ANKRD26: variants seen among roughly 807,000 people sequenced by gnomAD.
ANKRD26 encodes ankyrin repeat domain 26, also known as ankyrin repeat domain-containing protein 26.
Under a neutral mutation model 208.7 loss-of-function variants are expected in ANKRD26, and 141 were observed. The observed-to-expected ratio is 0.68, with a 90% confidence interval of 0.59 to 0.78. The LOEUF (loss-of-function observed/expected upper bound fraction) is 0.78. Ranked by LOEUF, ANKRD26 falls within the 30% of genes least tolerant of loss-of-function variation. The pLI, the probability that ANKRD26 is intolerant of heterozygous loss-of-function variation, is 0.00. For missense variants in ANKRD26, 1,889 were observed against 1,938.7 expected, an observed-to-expected ratio of 0.97 and a Z score of 0.48; for synonymous variants, 636 against 660.4, an observed-to-expected ratio of 0.96 and a Z score of 0.57.
chr10:27,033,202 G>C, intron 25 of ANKRD26, 23 bp downstream of exon 25: 1 of 1,583,496 alleles, frequency 6.3e-7, no homozygotes, highest in Non-Finnish European at 8.6e-7. Flanking sequence ...TTAACTGTTT[G>C]ACATGTTAAA....
intron 3 of ANKRD26, among the ~76,000 whole-genome samples, chr10:26,984,864 T>C (rs895520744): frequency 4.6e-5 from 7 of 152,268 alleles, no homozygotes; most frequent in Middle Eastern, 3.4e-3. Context: ...AATTATACCA[T>C]TGGTCCTTTC....
chr10:27,046,333 A>G lies in ANKRD26; in HGVS notation c.1985+20T>C. 6.2e-7 allele frequency: 1 copy of G among 1,612,562 alleles called. No homozygotes were observed. Among genetic ancestry groups the G allele is most frequent in the Non-Finnish European group, 8.5e-7 (1 of 1,179,122 alleles). ...TACTAACCTTCCTCCATAGAAAAAT[A>G]AAGAAATCATAGATTTTACCTTCCT... On this transcript the variant is annotated intron_variant, in intron 18 of 33. Coordinates refer to ENST00000376087, the MANE Select transcript of ANKRD26 (RefSeq NM_014915.3).
At chr10:27,009,879 A>C (rs573869112) in intron 32 of ANKRD26, among the ~76,000 whole-genome samples, 4 of 152,324 alleles carry the variant, frequency 2.6e-5, no homozygotes, top group African/African-American at 9.6e-5. Context: ...CTTCATGTAT[A>C]CTTTTTCATT....
Position 27,073,051 on chromosome 10 carries a change from G to A in ANKRD26, c.1077+4287C>T, listed in dbSNP as rs192182557. 2.8e-3 allele frequency among the ~76,000 whole-genome samples: 421 copies of A among 152,292 alleles called. 2 individuals are homozygous for A. Among genetic ancestry groups the A allele is most frequent in the Non-Finnish European group, 5.1e-3 (348 of 68,014 alleles). On this transcript the variant is annotated intron_variant, in intron 9 of 33. Transcript: ENST00000376087. The stretch of plus-strand genomic sequence containing the variant: ...GGAGCAGCAGGATTCACAGCAGCCA[G>A]GTTCTCAGGGGCTGCTACTCCCAGG...
At chr10:26,969,790 T>C (rs1382625109), downstream of ANKRD26, among the ~76,000 whole-genome samples, 1 of 152,056 alleles carries the variant, frequency 6.6e-6, no homozygotes, top group Non-Finnish European at 1.5e-5. Flanking sequence ...AATCATTAGT[T>C]TCTGTTACCT....
rs1290136408 is a variant in ANKRD26, at chr10:27,066,517, C to T, written c.1239G>A (p.Glu413=). 1 of 1,600,940 alleles carries T rather than the reference C, an allele frequency of 6.2e-7. No homozygotes were observed. Among genetic ancestry groups the T allele is most frequent in the East Asian group, 2.2e-5 (1 of 44,668 alleles). The stretch of plus-strand genomic sequence containing the variant: ...AATCCCAAGGTGATTCTATATCTTC[C>T]TCTTGTCCTAATCCTAATGCGGACA... ...DMMSALGLGQ[E]EDIESPWDSE... is the part of the protein sequence containing the mutation. Residue 413 remains glutamate (E), a synonymous_variant, in exon 11 of 34, where the codon GAG becomes GAA. Coordinates refer to ENST00000376087, the MANE Select transcript of ANKRD26 (RefSeq NM_014915.3).
chr10:27,071,564 C>T (rs1450834948), intron 9 of ANKRD26, among the ~76,000 whole-genome samples: 2 of 152,008 alleles, frequency 1.3e-5, no homozygotes, highest in Non-Finnish European at 2.9e-5. Context: ...GCACTGTGAC[C>T]AAGACTCTCC....
At chr10:27,011,069 G>A (rs1421395829) in intron 32 of ANKRD26, among the ~76,000 whole-genome samples, 2 of 152,130 alleles carry the variant, frequency 1.3e-5, no homozygotes, top group African/African-American at 4.8e-5. Context: ...AGGACATGAG[G>A]CCTGGTAAAG....
At chr10:26,960,136 AAG>A in the ANKRD26 span, among the ~76,000 whole-genome samples, 1 of 151,960 alleles carries the variant, frequency 6.6e-6, no homozygotes, top group Non-Finnish European at 1.5e-5. Flanking sequence ...GGGACAGAGC[AAG>A]ACCTTGTCTC....
intron 6 of ANKRD26, among the ~76,000 whole-genome samples, chr10:27,082,599 T>C (rs533966131): frequency 1.9e-4 from 29 of 152,258 alleles, no homozygotes; most frequent in African/African-American, 6.7e-4. Flanking sequence ...GTCAGCTGCT[T>C]GCTCACTGTG....
At chr10:26,958,627 T>G in the ANKRD26 span, among the ~76,000 whole-genome samples, 1 of 152,202 alleles carries the variant, frequency 6.6e-6, no homozygotes, top group Non-Finnish European at 1.5e-5. Flanking sequence ...TCCATGTCCC[T>G]GCAAAGGACA....
chr10:27,033,239 G>T lies in ANKRD26; in HGVS notation c.3793C>A (p.Gln1265Lys). 1.2e-6 allele frequency: 2 copies of T among 1,610,148 alleles called. No individual in the cohort carries two copies. The highest frequency in any genetic ancestry group is 2.2e-5 in the South Asian group (2 of 90,776). Residue 1265 changes from glutamine to lysine, a missense_variant, in exon 25 of 34, where the codon CAA becomes AAA. Transcript: ENST00000376087. ...ETQDLKKKLG[Q>K]IRNQLQEAQD... ...TTCATACATACTTGATTTCTGATTTGACCTAATTTCTTCTTTAAATCCTGT... is the reference window on the plus strand; with the variant it reads ...TTCATACATACTTGATTTCTGATTTTACCTAATTTCTTCTTTAAATCCTGT...
intron 4 of ANKRD26, among the ~76,000 whole-genome samples, chr10:27,087,052 G>A (rs1041613461): frequency 6.6e-5 from 10 of 152,078 alleles, no homozygotes; most frequent in African/African-American, 2.2e-4. Context: ...GATTACAGGC[G>A]TGAACCACTG....
intron 15 of ANKRD26, among the ~76,000 whole-genome samples, chr10:27,056,702 G>T (rs1199293316): frequency 6.6e-6 from 1 of 152,048 alleles, no homozygotes; most frequent in East Asian, 2.0e-4. Context: ...GCTTGAACCC[G>T]GGAGGCAGAG....
At chr10:27,063,568 G>A (rs1025920486) in intron 12 of ANKRD26, among the ~76,000 whole-genome samples, 1 of 152,072 alleles carries the variant, frequency 6.6e-6, no homozygotes. Flanking sequence ...TGATCTGCCC[G>A]CCTCGGCCTC....
Position 27,100,194 on chromosome 10 carries a change from G to A in ANKRD26, c.133C>T (p.Arg45Ter), listed in dbSNP as rs745331345. Residue 45 changes from arginine (R) to a stop codon, truncating the protein, a stop_gained, in exon 1 of 34, where the codon CGA becomes TGA. Coordinates refer to ENST00000376087, the MANE Select transcript of ANKRD26 (RefSeq NM_014915.3). LOFTEE classifies it high-confidence loss of function. Reference sequence around the variant, plus strand: ...GCTTTGTGGATCTTGCCGAGATCTCGGTCTCGGACGTGGTAGCCGGGCTGC... The same window carrying A: ...GCTTTGTGGATCTTGCCGAGATCTCAGTCTCGGACGTGGTAGCCGGGCTGC... ...YSQPGYHVRD[R>*]DLGKIHKAAS... 1.9e-6 allele frequency: 3 copies of A among 1,613,840 alleles called. No homozygotes were observed. Among genetic ancestry groups the A allele is most frequent in the South Asian group, 1.1e-5 (1 of 91,082 alleles).
rs775892872 is a variant in ANKRD26 at position 27,061,193 on chromosome 10, C to T, written c.1413G>A (p.Met471Ile). The T allele has an allele frequency of 6.8e-6, 11 of 1,612,702 alleles. No individual in the cohort carries two copies. Among genetic ancestry groups the T allele is most frequent in the Admixed American group, 5.0e-5 (3 of 60,004 alleles). The part of the protein sequence containing the change: ...SCMSGSRNFK[M>I]AKLEDTRNVG... Reference sequence around the variant, plus strand: ...CATTTCTTGTATCCTCTAGTTTAGCCATCTTAAAGTTTCTTGATCCACTCA... The same window carrying T: ...CATTTCTTGTATCCTCTAGTTTAGCTATCTTAAAGTTTCTTGATCCACTCA... The change falls in exon 13 of 34, where the codon ATG (methionine) becomes ATA (isoleucine). Residue 471 changes from methionine (M) to isoleucine (I), a missense_variant. Transcript: ENST00000376087.
chr10:27,088,084 C>T (rs546486429), intron 4 of ANKRD26, among the ~76,000 whole-genome samples: 1 of 152,302 alleles, frequency 6.6e-6, no homozygotes, highest in East Asian at 1.9e-4. Context: ...CTGCACCTGG[C>T]CTCACTTTTA....
intron 11 of ANKRD26, among the ~76,000 whole-genome samples, chr10:27,066,089 C>G (rs1489557332): frequency 1.3e-5 from 2 of 151,840 alleles, no homozygotes; most frequent in African/African-American, 2.4e-5. Context: ...TCTCCATATC[C>G]TGACCTCATG....
Sources: gnomAD v4.1 joint callset for allele counts (sites outside exome capture counted in the v4.1 genomes callset) on GRCh38, gnomAD v4.1.1 for gene constraint, MANE v1.5 for transcripts, NCBI Gene and HGNC (gene_info 2026-07-23, HGNC 2026-07-21) for gene names.